The following NPHP4 variants were observed in gnomAD, a reference collection of about 807,000 sequenced individuals.
NPHP4 encodes the protein nephrocystin-4.
In NPHP4, 151 loss-of-function variants were observed where a neutral mutation model predicts 155.8. The observed-to-expected ratio is 0.97, with a 90% confidence interval of 0.85 to 1.11. The LOEUF is 1.11. Ranked by LOEUF, NPHP4 falls within the 50% of genes least tolerant of loss-of-function variation. The pLI, the probability that NPHP4 is intolerant of heterozygous loss-of-function variation, is 0.00. For synonymous variants in NPHP4, 845 were observed against 816.8 expected (o/e 1.03, Z -0.59); for missense variants, 1,956 against 1,925.7 (o/e 1.02, Z -0.29).
chr1:5,959,925 T>C (rs997471875), intron 6 of NPHP4, among the ~76,000 whole-genome samples: 39 of 152,048 alleles, frequency 2.6e-4, no homozygotes, highest in African/African-American at 9.4e-4. Flanking sequence ...CCAAGATCAA[T>C]ATCAACCAGG....
rs531690737 is a variant in NPHP4 at position 5,863,874 on chromosome 1, C to T, written c.4140+16G>A. ...CGGGTCTTCCCCTAGGAGTCCCAGG[C>T]ACAGCCCCACCACACCTGGAAGGAG... is the stretch of plus-strand genomic sequence containing the variant. On this transcript the variant is annotated intron_variant, in intron 29 of 29. Coordinates refer to ENST00000378156, the MANE Select transcript of NPHP4 (RefSeq NM_015102.5). 5.1e-5 allele frequency: 83 copies of T among 1,613,596 alleles called. 1 individual carries two copies. The South Asian group carries it at 7.9e-4, about 15-fold the overall frequency.
At position 5,986,178 on chromosome 1, in the gene NPHP4, G is replaced by T; in HGVS notation, c.112C>A (p.Leu38Met). ...STAFQCVLKW[L>M]DGPVIRQGVL... is the part of the protein sequence containing the mutation. ...ACCTGCCTAATTACCGGTCCGTCCA[G>T]CCACTTGAGGACACACTGGAATGCC... is the stretch of plus-strand genomic sequence containing the variant. Residue 38 changes from leucine to methionine, a missense_variant, in exon 2 of 30, where the codon CTG (leucine) becomes ATG (methionine). By Grantham distance (15) the Leu-to-Met change is conservative (BLOSUM62 2). Transcript: ENST00000378156. The T allele has an allele frequency of 6.2e-7, 1 of 1,613,874 alleles. No homozygotes were observed. The highest frequency in any genetic ancestry group is 8.5e-7 in the Non-Finnish European group (1 of 1,179,848).
chr1:5,952,853 G>A lies in NPHP4; in HGVS notation c.674-17C>T, dbSNP rs778099003. On this transcript the variant is annotated splice_polypyrimidine_tract_variant and intron_variant, in intron 6 of 29. Coordinates refer to ENST00000378156, the MANE Select transcript of NPHP4 (RefSeq NM_015102.5). ...GAGCGTCGCCTGAAACAGTGAGGGT[G>A]CGAAAAGGGTCATCCTTGGGAATAA... 6 of 1,590,384 alleles carry A rather than the reference G, an allele frequency of 3.8e-6. No homozygotes were observed. Among genetic ancestry groups the A allele is most frequent in the African/African-American group, 2.7e-5 (2 of 74,284 alleles).
intron 9 of NPHP4, 145 bp from the exon 10 acceptor site, chr1:5,933,474 G>A (rs567919406): frequency 8.8e-6 from 6 of 679,214 alleles, no homozygotes; most frequent in Non-Finnish European, 1.3e-5. Flanking sequence ...TTTATAAAAG[G>A]AACTAGGGCA....
At chr1:5,898,171 T>C (rs530436492) in intron 16 of NPHP4, among the ~76,000 whole-genome samples, 14 of 152,174 alleles carry the variant, frequency 9.2e-5, no homozygotes, top group African/African-American at 3.4e-4. Context: ...TTACTTCAGC[T>C]CTCACACTGA....
rs1234195236 is a variant in NPHP4 at position 5,877,101 on chromosome 1, T to C, written c.2809A>G (p.Ser937Gly). Residue 937 changes from serine to glycine, a missense_variant, in exon 20 of 30, where the codon AGC becomes GGC. Coordinates refer to ENST00000378156, the MANE Select transcript of NPHP4 (RefSeq NM_015102.5). ...GCTGAACAAACCCTTACCAACACGCTCGTCCCGCGCCGGCCCAAGTCTCCC... is the reference window on the plus strand; with the variant it reads ...GCTGAACAAACCCTTACCAACACGCCCGTCCCGCGCCGGCCCAAGTCTCCC... ...AGGDLGRRGTSVLAQQSVRTQ... is the reference protein window; with the variant it reads ...AGGDLGRRGTGVLAQQSVRTQ... 1.9e-6 allele frequency: 3 copies of C among 1,567,824 alleles called. No homozygotes were observed. Among genetic ancestry groups the C allele is most frequent in the Non-Finnish European group, 2.6e-6 (3 of 1,147,892 alleles).
chr1:5,877,125 C>A lies in NPHP4; in HGVS notation c.2785G>T (p.Gly929Ter). 6.3e-7 allele frequency: 1 copy of A among 1,588,706 alleles called. No individual in the cohort carries two copies. Among genetic ancestry groups the A allele is most frequent in the African/African-American group, 1.3e-5 (1 of 74,674 alleles). ...MRSVRLQEAG[G>*]DLGRRGTSVL... Reference sequence around the variant, plus strand: ...CTCGTCCCGCGCCGGCCCAAGTCTCCCCCGGCCTCCTGCAGGCGCACAGAC... The same window carrying A: ...CTCGTCCCGCGCCGGCCCAAGTCTCACCCGGCCTCCTGCAGGCGCACAGAC... Residue 929 changes from glycine (G) to a stop codon, truncating the protein, a stop_gained, in exon 20 of 30, where the codon GGA becomes TGA. Transcript: ENST00000378156. LOFTEE classifies it high-confidence loss of function.
Position 5,905,464 on chromosome 1 carries a change from T to G in NPHP4, c.1783A>C (p.Arg595=). 1 of 1,605,774 alleles carries G rather than the reference T, an allele frequency of 6.2e-7. No homozygotes were observed. Among genetic ancestry groups the G allele is most frequent in the South Asian group, 1.1e-5 (1 of 90,902 alleles). Residue 595 remains arginine (R), a synonymous_variant, in exon 15 of 30, where the codon AGA becomes CGA. Coordinates refer to ENST00000378156, the MANE Select transcript of NPHP4 (RefSeq NM_015102.5). This position sits in a 1 kb window ranked among gnomAD's most constrained non-coding sequence, Gnocchi z 4.0. ...GACTGCAGGAGCACCATGGAGGCTC[T>G]CGAGGGCTGCCCTGCAGAGCTGAGA... The part of the protein sequence containing the change: ...QTRSSAGQPS[R]ASMVLLQSSG...
Position 5,946,278 on chromosome 1 carries a change from TTAATA to T in NPHP4, c.1119+821_1119+825del, listed in dbSNP as rs1647093542. Among the ~76,000 whole-genome samples, 4 of 152,312 alleles carry T rather than the reference TTAATA, an allele frequency of 2.6e-5. No individual in the cohort carries two copies. In the South Asian group the frequency reaches 8.3e-4, roughly 32 times the overall value. On this transcript the variant is annotated intron_variant, in intron 9 of 29. Transcript: ENST00000378156. The stretch of plus-strand genomic sequence containing the variant: ...ATTTGGGTTTCTCAAAGAATCTACA[TTAATA>T]TAAATGATGTCCACATATTTTATTT...
chr1:5,986,122 T>C, intron 2 of NPHP4, 33 bp downstream of exon 2: 1 of 1,610,994 alleles, frequency 6.2e-7, no homozygotes, highest in Non-Finnish European at 8.5e-7. Context: ...CTAAGAGCAA[T>C]AACACGCATT....
intron 11 of NPHP4, among the ~76,000 whole-genome samples, chr1:5,924,049 A>G (rs1024356427): frequency 2.0e-5 from 3 of 152,246 alleles, no homozygotes; most frequent in African/African-American, 7.2e-5. Flanking sequence ...AGAATAAAAC[A>G]AGCCCAGACG....
intron 3 of NPHP4, among the ~76,000 whole-genome samples, chr1:5,972,870 T>A (rs969182481): frequency 6.6e-6 from 1 of 152,020 alleles, no homozygotes; most frequent in Non-Finnish European, 1.5e-5. Context: ...ACCTAATTTG[T>A]AGGGTTTTTT....
At position 5,866,381 on chromosome 1, in the gene NPHP4, G is replaced by C. The variant is rs779900061; in HGVS notation, c.3636C>G (p.Ile1212Met). The C allele has an allele frequency of 1.9e-6, 3 of 1,604,338 alleles. No individual in the cohort carries two copies. Among genetic ancestry groups the C allele is most frequent in the Non-Finnish European group, 2.6e-6 (3 of 1,173,326 alleles). Residue 1212 changes from isoleucine to methionine, a missense_variant, in exon 26 of 30, where the codon ATC (isoleucine) becomes ATG (methionine). Coordinates refer to ENST00000378156, the MANE Select transcript of NPHP4 (RefSeq NM_015102.5). ...AAAGCCTGTGCACTTACGAGTAAAT[G>C]ATGACAAAGAAGTCTTTGATCTCCG... ...PSPEIKDFFV[I>M]IYSDRWLATP...
At chr1:5,932,693 G>C (rs1181649316) in intron 10 of NPHP4, among the ~76,000 whole-genome samples, 1 of 151,250 alleles carries the variant, frequency 6.6e-6, no homozygotes, top group Admixed American at 6.6e-5. Context: ...AATCTCTGCT[G>C]TGGTCCTACC....
In NPHP4 at chr1:5,933,147, C is replaced by G. The variant is rs1230242159; in HGVS notation, c.1302G>C (p.Glu434Asp). ...KVPSASMSSE[E>D]VKQVESGTLR... is the part of the protein sequence containing the mutation. ...GCATAAGAAATACCTAATAATTTAC[C>G]TCTTCAGAGCTCATGCTGGCTGAGG... Residue 434 changes from glutamate to aspartate, a missense_variant and splice_region_variant, in exon 10 of 30, where the codon GAG becomes GAC. By Grantham distance (45) the Glu-to-Asp change is conservative. Coordinates refer to ENST00000378156, the MANE Select transcript of NPHP4 (RefSeq NM_015102.5). 2 of 1,534,640 alleles carry G rather than the reference C, an allele frequency of 1.3e-6. No individual in the cohort carries two copies. Among genetic ancestry groups the G allele is most frequent in the African/African-American group, 1.4e-5 (1 of 72,560 alleles).
In NPHP4 at chr1:5,867,606, T is replaced by C; in HGVS notation, c.3472+134A>G. On this transcript the variant is annotated intron_variant, in intron 24 of 29. Transcript: ENST00000378156. This position sits in a 1 kb window ranked among gnomAD's most constrained non-coding sequence, Gnocchi z 4.1. ...CAAACCATAAAGGCAGGAGAGAGAA[T>C]TCCCCAGGCCCCACGTGCTGCTCTG... is the stretch of plus-strand genomic sequence containing the variant. 1 of 878,286 alleles carries C rather than the reference T, an allele frequency of 1.1e-6. No homozygotes were observed. Among genetic ancestry groups the C allele is most frequent in the Non-Finnish European group, 1.7e-6 (1 of 580,822 alleles). The allele number at this position is 878,286 out of a possible 1,614,324, so 54.4% of individuals were successfully genotyped here.
At chr1:5,943,280 T>C (rs1050338886) in intron 9 of NPHP4, among the ~76,000 whole-genome samples, 5 of 152,230 alleles carry the variant, frequency 3.3e-5, no homozygotes, top group African/African-American at 1.2e-4. Context: ...GGCAAAACTT[T>C]TGTTCCTAGT....
chr1:5,928,815 A>G (rs1362286294), intron 10 of NPHP4, among the ~76,000 whole-genome samples: 1 of 152,216 alleles, frequency 6.6e-6, no homozygotes, highest in African/African-American at 2.4e-5. Flanking sequence ...CGCCAAAAAA[A>G]TCCTGCTGAG....
chr1:5,881,902 G>C (rs193239791), intron 18 of NPHP4: 1 of 152,258 alleles, frequency 6.6e-6, no homozygotes, highest in Non-Finnish European at 1.5e-5. Context: ...AGCAACTATG[G>C]CAAAGGCACT....
Sources: gnomAD v4.1 joint callset for allele counts (sites outside exome capture counted in the v4.1 genomes callset) on GRCh38, gnomAD v4.1.1 for gene constraint, Gnocchi (gnomAD v3.1) non-coding constraint, MANE v1.5 for transcripts, NCBI Gene and HGNC (gene_info 2026-07-23, HGNC 2026-07-21) for gene names.